EDIL3: variants seen among roughly 807,000 people sequenced by gnomAD.
EDIL3 encodes EGF-like repeat and discoidin I-like domain-containing protein 3.
In EDIL3, 37 loss-of-function variants were observed where a neutral mutation model predicts 67.4. The observed-to-expected ratio is 0.55, with a 90% CI of 0.42 to 0.72. The LOEUF (loss-of-function observed/expected upper bound fraction) is 0.72, where lower values mean the gene tolerates loss of function less well. Ranked by LOEUF, EDIL3 falls within the 30% of genes least tolerant of loss-of-function variation. EDIL3 has a pLI of 0.00. For synonymous variants in EDIL3, 195 were observed against 196.3 expected, an observed-to-expected ratio of 0.99 and a Z score of 0.05; for missense variants, 527 against 586.3, an observed-to-expected ratio of 0.90 and a Z score of 1.04.
At chr5:84,239,411 T>A (rs909650115) in intron 2 of EDIL3, among the ~76,000 whole-genome samples, 4 of 152,190 alleles carry the variant, frequency 2.6e-5, no homozygotes, top group African/African-American at 9.6e-5. Flanking sequence ...AAAGAATTAA[T>A]TTCCTTTCCT....
chr5:84,332,505 T>G (rs1166165599), intron 1 of EDIL3, among the ~76,000 whole-genome samples: 1 of 152,222 alleles, frequency 6.6e-6, no homozygotes, highest in Admixed American at 6.5e-5. Context: ...CAAGATTTCA[T>G]GAACTCAAGT....
chr5:83,966,533 T>C (rs1272346426), intron 9 of EDIL3, among the ~76,000 whole-genome samples: 2 of 151,988 alleles, frequency 1.3e-5, no homozygotes, highest in Admixed American at 1.3e-4. Context: ...AAAAATCCTC[T>C]CCAATCTTAA....
At chr5:84,125,705 T>A (rs2112303326) in intron 5 of EDIL3, among the ~76,000 whole-genome samples, 1 of 152,194 alleles carries the variant, frequency 6.6e-6, no homozygotes, top group East Asian at 1.9e-4. Context: ...ACTTTATACA[T>A]AATCCTATGA....
chr5:84,229,933 AG>A, intron 2 of EDIL3, 49 bp from the exon 3 acceptor site: 1 of 1,265,380 alleles, frequency 7.9e-7, no homozygotes, highest in Non-Finnish European at 1.1e-6. Flanking sequence ...AAGTGAAGGG[AG>A]GGAGAAGGGG....
chr5:83,988,521 C>T (rs1745094249), intron 9 of EDIL3, among the ~76,000 whole-genome samples: 1 of 152,156 alleles, frequency 6.6e-6, no homozygotes, highest in African/African-American at 2.4e-5. Flanking sequence ...TGGAAGAGCT[C>T]TCTCTGTAGA....
At chr5:84,096,757 G>A (rs1163946874) in intron 6 of EDIL3, among the ~76,000 whole-genome samples, 2 of 152,142 alleles carry the variant, frequency 1.3e-5, no homozygotes, top group Non-Finnish European at 2.9e-5. Flanking sequence ...GAATGACAAG[G>A]TCTGGCTCTG....
chr5:84,343,333 T>C (rs1747164006), intron 1 of EDIL3, among the ~76,000 whole-genome samples: 1 of 152,090 alleles, frequency 6.6e-6, no homozygotes, highest in Admixed American at 6.6e-5. Context: ...TTCATGTGCT[T>C]GGCATAACTT....
chr5:84,317,985 G>A (rs1312509615), intron 1 of EDIL3, among the ~76,000 whole-genome samples: 1 of 152,202 alleles, frequency 6.6e-6, no homozygotes, highest in East Asian at 1.9e-4. Context: ...AAAAATCAAT[G>A]TGCAAAAACC....
Position 84,098,051 on chromosome 5 carries a change from T to A in EDIL3, c.651+8598A>T, listed in dbSNP as rs376022780. Among the ~76,000 whole-genome samples, 18 of 151,748 alleles carry A rather than the reference T, an allele frequency of 1.2e-4. 1 individual carries two copies. The East Asian group carries it at 3.5e-3, about 29-fold the overall frequency. ...GTTTAATGTAGTGGTTAATTATTAG[T>A]TGGAAAAAATCTACATAAAGAAATA... On this transcript the variant is annotated intron_variant, in intron 6 of 10. Coordinates refer to ENST00000296591, the MANE Select transcript of EDIL3 (RefSeq NM_005711.5).
intron 1 of EDIL3, among the ~76,000 whole-genome samples, chr5:84,279,608 C>A (rs7726803): frequency 0.6 from 90,957 of 151,940 alleles, 27,443 homozygotes; most frequent in East Asian, 0.82. Context: ...CTGTTTGTTA[C>A]CTTGCCTCTC....
At chr5:83,987,598 C>T (rs1177934009) in intron 9 of EDIL3, among the ~76,000 whole-genome samples, 2 of 151,986 alleles carry the variant, frequency 1.3e-5, no homozygotes, top group Non-Finnish European at 2.9e-5. Flanking sequence ...AGTGCAGATC[C>T]TTGTGTATCT....
chr5:84,001,574 C>A (rs188660371), intron 9 of EDIL3, among the ~76,000 whole-genome samples: 442 of 151,856 alleles, frequency 2.9e-3, no homozygotes, highest in Non-Finnish European at 5.1e-3. Flanking sequence ...AGAGACAAGA[C>A]CCAAATAAAT....
At chr5:84,245,571 T>G (rs1381719623) in intron 2 of EDIL3, among the ~76,000 whole-genome samples, 1 of 152,138 alleles carries the variant, frequency 6.6e-6, no homozygotes, top group Non-Finnish European at 1.5e-5. Context: ...AAGAAATAGA[T>G]TCATGTTGAA....
At chr5:84,173,358 CAGGACG>C (rs1407757440) in intron 4 of EDIL3, among the ~76,000 whole-genome samples, 2 of 152,120 alleles carry the variant, frequency 1.3e-5, no homozygotes, top group African/African-American at 4.8e-5. Flanking sequence ...CTGCCAGTTG[CAGGACG>C]AGCTGTGACT....
chr5:83,996,881 G>A (rs1745246810), intron 9 of EDIL3, among the ~76,000 whole-genome samples: 1 of 152,156 alleles, frequency 6.6e-6, no homozygotes, highest in African/African-American at 2.4e-5. Flanking sequence ...TAGGCCTACT[G>A]GAATAAATGT....
At chr5:83,972,683 C>T (rs1744814042) in intron 9 of EDIL3, among the ~76,000 whole-genome samples, 1 of 151,982 alleles carries the variant, frequency 6.6e-6, no homozygotes, top group African/African-American at 2.4e-5. Flanking sequence ...AATGAAAGTC[C>T]ATCCATCAAG....
chr5:84,104,114 T>G (rs1247722443), intron 6 of EDIL3, among the ~76,000 whole-genome samples: 1 of 151,934 alleles, frequency 6.6e-6, no homozygotes, highest in Non-Finnish European at 1.5e-5. Flanking sequence ...CAAACTAATG[T>G]GGGAACAGGA....
chr5:84,342,083 C>T (rs1747128394), intron 1 of EDIL3, among the ~76,000 whole-genome samples: 1 of 151,896 alleles, frequency 6.6e-6, no homozygotes, highest in African/African-American at 2.4e-5. Flanking sequence ...CGATTCACAA[C>T]AACAAAGATA....
At chr5:84,164,865 G>A (rs959457200) in intron 4 of EDIL3, among the ~76,000 whole-genome samples, 1 of 152,078 alleles carries the variant, frequency 6.6e-6, no homozygotes, top group South Asian at 2.1e-4. Flanking sequence ...AAAGCAGAGG[G>A]ACTTTCCTGC....
Sources: gnomAD v4.1 joint callset for allele counts (sites outside exome capture counted in the v4.1 genomes callset) on GRCh38, gnomAD v4.1.1 for gene constraint, MANE v1.5 for transcripts, NCBI Gene and HGNC (gene_info 2026-07-23, HGNC 2026-07-21) for gene names.